The following DMD variants were observed in gnomAD, a reference collection of about 807,000 sequenced individuals.
The protein encoded by DMD is dystrophin, also known as mutant dystrophin.
In DMD, 63 loss-of-function variants were observed where a neutral mutation model predicts 330.1. The observed-to-expected ratio is 0.19, with a 90% CI of 0.16 to 0.24. The LOEUF (loss-of-function observed/expected upper bound fraction) is 0.24. Among genes scored for constraint, DMD ranks in the 10% least tolerant of loss-of-function variants. The probability of loss-of-function intolerance (pLI) is 1.00; values close to 1 mark genes in which losing one functional copy is unlikely to be tolerated. For missense variants in DMD, 3,344 were observed against 2,684.1 expected, an observed-to-expected ratio of 1.25 and a Z score of -5.43; for synonymous variants, 1,223 against 959.8, an observed-to-expected ratio of 1.27 and a Z score of -5.07.
chrX:31,542,290 GAAGA>G (rs1370753949), intron 55 of DMD, among the ~76,000 whole-genome samples: 1 of 111,919 alleles, frequency 8.9e-6, no homozygotes, highest in African/African-American at 3.2e-5. Context: ...GAAGTTAGAT[GAAGA>G]AAGACGAAGG....
At chrX:31,192,819 C>G (rs747926935) in intron 67 of DMD, among the ~76,000 whole-genome samples, 1 of 111,976 alleles carries the variant, frequency 8.9e-6, no homozygotes, top group South Asian at 3.7e-4. Context: ...AAAAGCAAGG[C>G]GATCCCCAAA....
At chrX:33,201,623 C>A (rs1166646921) in intron 1 of DMD, among the ~76,000 whole-genome samples, 1 of 111,941 alleles carries the variant, frequency 8.9e-6, no homozygotes, top group Non-Finnish European at 1.9e-5. Context: ...CTGTGGATGA[C>A]TAACATAATG....
intron 54 of DMD, among the ~76,000 whole-genome samples, chrX:31,648,599 C>T (rs1041851012): frequency 1.2e-4 from 8 of 67,934 alleles, no homozygotes; most frequent in East Asian, 5.4e-4. Flanking sequence ...GGTTTCCCTA[C>T]GGGGTGAAAG....
intron 9 of DMD, among the ~76,000 whole-genome samples, chrX:32,679,080 T>A (rs1317785937): frequency 8.9e-6 from 1 of 111,850 alleles, no homozygotes; most frequent in Non-Finnish European, 1.9e-5. Flanking sequence ...TTATAAATCT[T>A]ACAAAAATAT....
chrX:33,064,902 A>G (rs1488997771), intron 1 of DMD, among the ~76,000 whole-genome samples: 2 of 110,737 alleles, frequency 1.8e-5, no homozygotes, highest in Non-Finnish European at 3.8e-5. Context: ...AAAAAATAAT[A>G]ATAAAATAAA....
intron 11 of DMD, among the ~76,000 whole-genome samples, chrX:32,629,058 T>C (rs1390179619): frequency 8.9e-6 from 1 of 111,858 alleles, no homozygotes; most frequent in Non-Finnish European, 1.9e-5. Flanking sequence ...ATAAGTCTGA[T>C]GTTTCTTTGT....
intron 48 of DMD, among the ~76,000 whole-genome samples, chrX:31,855,585 A>G (rs1210868062): frequency 8.9e-6 from 1 of 112,088 alleles, no homozygotes; most frequent in Non-Finnish European, 1.9e-5. Context: ...CATGCACTTT[A>G]AATAAAATTA....
At chrX:32,578,266 C>A (rs1388189216) in intron 13 of DMD, among the ~76,000 whole-genome samples, 1 of 112,251 alleles carries the variant, frequency 8.9e-6, no homozygotes, top group Admixed American at 9.4e-5. Flanking sequence ...ATCCCTTGAG[C>A]TTTTAGCAAT....
intron 44 of DMD, among the ~76,000 whole-genome samples, chrX:32,024,440 T>C (rs930075170): frequency 5.9e-5 from 6 of 101,151 alleles, no homozygotes; most frequent in African/African-American, 1.1e-4. Context: ...TCAGCTGAGA[T>C]TGCGCCACCT....
At chrX:31,666,080 T>C (rs1448508224) in intron 53 of DMD, among the ~76,000 whole-genome samples, 1 of 111,659 alleles carries the variant, frequency 9.0e-6, no homozygotes, top group Non-Finnish European at 1.9e-5. Flanking sequence ...TGAGAGGGTG[T>C]AGAAATGGAT....
chrX:32,833,358 T>C (rs1482865556), intron 4 of DMD, among the ~76,000 whole-genome samples: 2 of 110,601 alleles, frequency 1.8e-5, no homozygotes, highest in African/African-American at 6.5e-5. Context: ...TTAAAACAAA[T>C]TTATCAAAAT....
At chrX:32,134,978 G>C (rs890902233) in intron 44 of DMD, among the ~76,000 whole-genome samples, 2 of 111,331 alleles carry the variant, frequency 1.8e-5, no homozygotes, top group African/African-American at 6.5e-5. Context: ...TATTTTTATG[G>C]CCACATCTGG....
chrX:33,107,862 AT>A (rs1180940325), intron 1 of DMD, among the ~76,000 whole-genome samples: 1 of 111,494 alleles, frequency 9.0e-6, no homozygotes, highest in African/African-American at 3.3e-5. Flanking sequence ...AGTACTGTAT[AT>A]TTTTTTATCT....
At chrX:32,824,323 T>G (rs2078517489) in intron 4 of DMD, among the ~76,000 whole-genome samples, 1 of 112,138 alleles carries the variant, frequency 8.9e-6, no homozygotes, top group African/African-American at 3.2e-5. Context: ...ATACTACGTT[T>G]ATTTGTAATA....
intron 1 of DMD, among the ~76,000 whole-genome samples, chrX:33,294,067 G>C (rs1311026949): frequency 9.0e-6 from 1 of 111,328 alleles, no homozygotes; most frequent in Non-Finnish European, 1.9e-5. Context: ...GAAGCACCCT[G>C]TTTTTGGCCA....
intron 76 of DMD, among the ~76,000 whole-genome samples, chrX:31,136,109 G>C (rs1471567025): frequency 9.0e-6 from 1 of 110,576 alleles, no homozygotes; most frequent in African/African-American, 3.3e-5. Context: ...AGAATGGAGG[G>C]ATAAGAACGT....
intron 62 of DMD, among the ~76,000 whole-genome samples, chrX:31,275,010 C>G (rs1294854271): frequency 2.7e-5 from 3 of 109,858 alleles, no homozygotes; most frequent in Non-Finnish European, 5.7e-5. Flanking sequence ...CAGTATCAGA[C>G]AGATTATAAT....
chrX:31,317,837 C>CATG (rs2056149901), intron 62 of DMD, among the ~76,000 whole-genome samples: 1 of 111,759 alleles, frequency 8.9e-6, no homozygotes, highest in African/African-American at 3.3e-5. Context: ...ATGTTGATAT[C>CATG]ATACTCCAGT....
At chrX:32,306,704 CTCTT>C (rs1330153459) in intron 42 of DMD, among the ~76,000 whole-genome samples, 3 of 110,079 alleles carry the variant, frequency 2.7e-5, no homozygotes, top group Non-Finnish European at 3.8e-5. Flanking sequence ...TTCCCTCACT[CTCTT>C]TCTTCCTTAC....
Sources: gnomAD v4.1 joint callset for allele counts (sites outside exome capture counted in the v4.1 genomes callset) on GRCh38, gnomAD v4.1.1 for gene constraint, MANE v1.5 for transcripts, NCBI Gene and HGNC (gene_info 2026-07-23, HGNC 2026-07-21) for gene names.